Variants in NUP98 observed in about 807,000 individuals in gnomAD.
NUP98 encodes the protein nuclear pore complex protein Nup98-Nup96.
NUP98 carries 26 observed loss-of-function variants against 191.9 expected under a neutral mutation model. The observed-to-expected ratio is 0.14, with a 90% CI of 0.10 to 0.19. The LOEUF (loss-of-function observed/expected upper bound fraction) is 0.19. Ranked by LOEUF, NUP98 falls within the 10% of genes least tolerant of loss-of-function variation. The pLI is 1.00. For synonymous variants in NUP98, 808 were observed against 778.4 expected, an observed-to-expected ratio of 1.04 and a Z score of -0.63; for missense variants, 1,941 against 2,178.8, an observed-to-expected ratio of 0.89 and a Z score of 2.17.
intron 20 of NUP98, 35 bp downstream of exon 20, chr11:3,712,529 G>C (rs1202249905): frequency 1.9e-6 from 3 of 1,610,924 alleles, no homozygotes; most frequent in Middle Eastern, 1.7e-4. Context: ...CGGTATCACG[G>C]ATTCCATTCA....
chr11:3,687,518 G>C (rs1301446874), intron 28 of NUP98, among the ~76,000 whole-genome samples: 1 of 152,162 alleles, frequency 6.6e-6, no homozygotes, highest in Non-Finnish European at 1.5e-5. Context: ...TTATAGTTAA[G>C]TTGAAATTTA....
chr11:3,676,177 C>A lies in NUP98; in HGVS notation c.5385G>T (p.Leu1795=), dbSNP rs750695293. The change falls in exon 33 of 33, where the codon CTG becomes CTT. Residue 1795 remains leucine, a synonymous_variant. Coordinates refer to ENST00000324932, the MANE Select transcript of NUP98 (RefSeq NM_016320.5). ...RSLTQSYLRE[L]AVGSL The stretch of plus-strand genomic sequence containing the variant: ...CTGGGGCTCACAGGCTCCCAACAGC[C>A]AGTTCTCGCAGATAGGACTGGGTAA... The A allele has an allele frequency of 6.2e-6, 10 of 1,613,952 alleles. No homozygotes were observed. The highest frequency in any genetic ancestry group is 8.5e-6 in the Non-Finnish European group (10 of 1,180,030).
chr11:3,789,442 ATC>A lies in NUP98; in HGVS notation c.-28-7299_-28-7298del, dbSNP rs1161664942. 1.1e-4 allele frequency among the ~76,000 whole-genome samples: 16 copies of A among 151,288 alleles called. No individual in the cohort carries two copies. In the East Asian group the frequency reaches 1.9e-3, roughly 18 times the overall value. ...ATTCAACCTCTTCCATCTATCTCAC[ATC>A]TCTGTCTTTATTCCCAACTATCCAT... On this transcript the variant is annotated intron_variant, in intron 1 of 32. Coordinates refer to ENST00000324932, the MANE Select transcript of NUP98 (RefSeq NM_016320.5).
rs780079170 is a variant in NUP98, at chr11:3,768,606, A to AT, written c.922dup (p.Ile308AsnfsTer61). On this transcript the variant is annotated frameshift_variant, in exon 8 of 33. Transcript: ENST00000324932. LOFTEE classifies it high-confidence loss of function. The stretch of plus-strand genomic sequence containing the variant: ...CATGGTGTTGGTGCTTGGCTGTCCT[A>AT]TGGTGCTGGTATTACCAAAGGAAAA... The AT allele has an allele frequency of 6.2e-7, 1 of 1,603,202 alleles. No individual in the cohort carries two copies. The highest frequency in any genetic ancestry group is 8.5e-7 in the Non-Finnish European group (1 of 1,175,384).
At chr11:3,750,169 G>C (rs1318944358) in intron 11 of NUP98, among the ~76,000 whole-genome samples, 2 of 152,148 alleles carry the variant, frequency 1.3e-5, no homozygotes, top group African/African-American at 4.8e-5. Flanking sequence ...CTTTTCTCTG[G>C]AGTGCAGCGG....
chr11:3,797,245 G>A (rs1336546920), intron 1 of NUP98, among the ~76,000 whole-genome samples, 155 bp downstream of exon 1: 2 of 152,284 alleles, frequency 1.3e-5, no homozygotes, highest in Non-Finnish European at 2.9e-5. Flanking sequence ...GGGCCCCCGG[G>A]TCCTCAGCAC....
At chr11:3,739,312 C>T (rs550491315) in intron 12 of NUP98, among the ~76,000 whole-genome samples, 80 of 152,240 alleles carry the variant, frequency 5.3e-4, no homozygotes, top group Non-Finnish European at 9.1e-4. Flanking sequence ...CGCAGTAGCG[C>T]GATCTCGGCT....
chr11:3,688,543 C>G (rs1034672244), intron 28 of NUP98, among the ~76,000 whole-genome samples: 1 of 151,474 alleles, frequency 6.6e-6, no homozygotes, highest in African/African-American at 2.4e-5. Context: ...ACCTATAATC[C>G]CAGCACTTTG....
At chr11:3,772,006 T>C (rs2081547010) in intron 6 of NUP98, 78 bp from the exon 7 acceptor site, 2 of 1,232,006 alleles carry the variant, frequency 1.6e-6, no homozygotes, top group Non-Finnish European at 2.3e-6. Context: ...TACTTGAATT[T>C]AGTATTCAAG....
chr11:3,778,198 CAAAAAA>C (rs71302029), intron 4 of NUP98, among the ~76,000 whole-genome samples: 1 of 60,542 alleles, frequency 1.7e-5, no homozygotes, highest in Non-Finnish European at 3.3e-5. Flanking sequence ...GACTCCATCT[CAAAAAA>C]AAAAAAAAAA....
intron 5 of NUP98, among the ~76,000 whole-genome samples, chr11:3,774,597 A>T (rs767149723): frequency 4.6e-5 from 7 of 152,102 alleles, no homozygotes; most frequent in Non-Finnish European, 8.8e-5. Context: ...GGGTGCCTGT[A>T]ATCCCAGCTA....
chr11:3,788,895 C>T (rs528151833), intron 1 of NUP98, among the ~76,000 whole-genome samples: 3 of 152,008 alleles, frequency 2.0e-5, no homozygotes, highest in South Asian at 4.1e-4. Flanking sequence ...TGCAGTGAGC[C>T]GAGATCGTGC....
intron 18 of NUP98, chr11:3,714,656 CT>C: frequency 1.8e-5 from 3 of 163,880 alleles, no homozygotes; most frequent in East Asian, 1.8e-4. Context: ...TAGTACTTGT[CT>C]TTTTGTGACT....
At chr11:3,737,185 T>C in intron 12 of NUP98, among the ~76,000 whole-genome samples, 1 of 152,162 alleles carries the variant, frequency 6.6e-6, no homozygotes, top group East Asian at 1.9e-4. Context: ...ATACTACCTT[T>C]TTCCCTTATA....
intron 18 of NUP98, chr11:3,714,750 A>G (rs548033165): frequency 1.3e-5 from 2 of 152,772 alleles, no homozygotes; most frequent in African/African-American, 2.4e-5. Context: ...TGAATAACAT[A>G]TATTTTTTAA....
At position 3,679,833 on chromosome 11, in the gene NUP98, A is replaced by C. The variant is rs931119198; in HGVS notation, c.4919-125T>G. ...TTGGCTGGACTTCAGAAGTAAAAGC[A>C]CATACAGGCATACCTCAAAGATACT... On this transcript the variant is annotated intron_variant, in intron 30 of 32. Transcript: ENST00000324932. 10 of 818,716 alleles carry C rather than the reference A, an allele frequency of 1.2e-5. No homozygotes were observed. In the Admixed American group the frequency reaches 2.2e-4, roughly 18 times the overall value. 50.7% of individuals were successfully genotyped at this position (818,716 alleles called of 1,614,324 possible). A position where few individuals can be genotyped will look rare whatever the true frequency, so the allele number is the denominator to read the frequency against.
intron 5 of NUP98, 56 bp from the exon 6 acceptor site, chr11:3,773,795 TCAGATA>T (rs2081611299): frequency 4.0e-6 from 4 of 1,009,870 alleles, no homozygotes; most frequent in Admixed American, 1.9e-5. Flanking sequence ...TCCTACTCTC[TCAGATA>T]CAATTTCTCA....
At chr11:3,769,719 C>T (rs2081459358) in intron 7 of NUP98, among the ~76,000 whole-genome samples, 1 of 151,906 alleles carries the variant, frequency 6.6e-6, no homozygotes, top group Non-Finnish European at 1.5e-5. Context: ...ACCAGCATGG[C>T]CAATATGGTG....
At chr11:3,681,355 C>T (rs1182732961) in intron 30 of NUP98, among the ~76,000 whole-genome samples, 2 of 152,144 alleles carry the variant, frequency 1.3e-5, no homozygotes, top group African/African-American at 4.8e-5. Context: ...AATACATCTA[C>T]AATGGTGAAT....
Sources: gnomAD v4.1 joint callset for allele counts (sites outside exome capture counted in the v4.1 genomes callset) on GRCh38, gnomAD v4.1.1 for gene constraint, MANE v1.5 for transcripts, NCBI Gene and HGNC (gene_info 2026-07-23, HGNC 2026-07-21) for gene names.